Variants in EIF3H observed in about 807,000 individuals in gnomAD.
The protein encoded by EIF3H is eukaryotic translation initiation factor 3 subunit H, also known as eIF-3-gamma.
A neutral mutation model predicts 44.2 loss-of-function variants in EIF3H; 26 were observed. The observed-to-expected ratio is 0.59, with a 90% CI of 0.43 to 0.82. EIF3H has a LOEUF of 0.82. Ranked by LOEUF, EIF3H falls within the 40% of genes least tolerant of loss-of-function variation. The pLI is 0.00. For synonymous variants in EIF3H, 166 were observed against 151.9 expected (o/e 1.09, Z -0.68); for missense variants, 359 against 432.8 (o/e 0.83, Z 1.51).
chr8:116,663,169 C>T (rs923887800), intron 2 of EIF3H, among the ~76,000 whole-genome samples: 4 of 151,870 alleles, frequency 2.6e-5, no homozygotes, highest in East Asian at 3.9e-4. Context: ...ATTTCACTCT[C>T]GAGAAATAAG....
At chr8:116,741,232 G>A (rs188429222) in intron 1 of EIF3H, among the ~76,000 whole-genome samples, 6 of 151,974 alleles carry the variant, frequency 3.9e-5, no homozygotes, top group African/African-American at 1.2e-4. Flanking sequence ...TGTCTCCCCA[G>A]AATGTTTTCA....
chr8:116,737,381 C>A (rs115032655), intron 1 of EIF3H: 58 of 405,134 alleles, frequency 1.4e-4, no homozygotes, highest in Non-Finnish European at 2.6e-4. Flanking sequence ...TAGGGCTGGG[C>A]GCAGTGGCTT....
At chr8:116,755,855 T>G, upstream of EIF3H, 3 of 1,600,220 alleles carry the variant, frequency 1.9e-6, no homozygotes, top group Non-Finnish European at 2.5e-6. Flanking sequence ...GAAGTACAAG[T>G]CTCGCGTGAC....
chr8:116,715,449 ATTATT>A (rs1316269686), intron 2 of EIF3H, among the ~76,000 whole-genome samples: 13 of 152,224 alleles, frequency 8.5e-5, no homozygotes, highest in African/African-American at 3.1e-4. Flanking sequence ...GTAAAAAGAT[ATTATT>A]TTAATTCCCC....
intron 1 of EIF3H, among the ~76,000 whole-genome samples, chr8:116,744,223 A>G (rs1027485363): frequency 6.6e-6 from 1 of 151,794 alleles, no homozygotes; most frequent in Non-Finnish European, 1.5e-5. Context: ...TTAAAAAAAA[A>G]AAAAACAAAC....
At chr8:116,681,338 C>T (rs771036113) in intron 2 of EIF3H, among the ~76,000 whole-genome samples, 14 of 147,602 alleles carry the variant, frequency 9.5e-5, no homozygotes, top group Non-Finnish European at 1.5e-4. Context: ...CTCCAGCCTG[C>T]GTAATACAGC....
At chr8:116,738,034 C>CAAAAAAA (rs750259420) in intron 1 of EIF3H, among the ~76,000 whole-genome samples, 1 of 68,506 alleles carries the variant, frequency 1.5e-5, no homozygotes, top group African/African-American at 5.2e-5. Context: ...GGCTCCATCT[C>CAAAAAAA]AAAAAAAAAA....
At chr8:116,694,310 T>C (rs1021071244) in intron 2 of EIF3H, among the ~76,000 whole-genome samples, 1 of 152,166 alleles carries the variant, frequency 6.6e-6, no homozygotes, top group African/African-American at 2.4e-5. Context: ...GTGTGAAATG[T>C]CATGTTTTGT....
intron 5 of EIF3H, among the ~76,000 whole-genome samples, chr8:116,652,772 A>G (rs75842767): frequency 6.6e-6 from 1 of 151,092 alleles, no homozygotes; most frequent in South Asian, 2.2e-4. Context: ...TAAAGATTGA[A>G]AAAAAAAAAC....
chr8:116,745,189 A>G (rs894198535), intron 1 of EIF3H, among the ~76,000 whole-genome samples: 2 of 152,282 alleles, frequency 1.3e-5, no homozygotes, highest in African/African-American at 4.8e-5. Flanking sequence ...TGTAACAACT[A>G]AAGTTAAAAT....
intron 2 of EIF3H, among the ~76,000 whole-genome samples, chr8:116,710,898 T>TC (rs1814563492): frequency 6.6e-6 from 1 of 152,190 alleles, no homozygotes; most frequent in Non-Finnish European, 1.5e-5. Flanking sequence ...GACTCAAGAC[T>TC]CCAATTAGCA....
At chr8:116,725,476 T>C (rs974334245) in intron 2 of EIF3H, among the ~76,000 whole-genome samples, 4 of 152,354 alleles carry the variant, frequency 2.6e-5, no homozygotes, top group African/African-American at 9.6e-5. Context: ...ATTTTCAACT[T>C]GATTTTTAAA....
At chr8:116,721,797 T>A (rs4304349) in intron 2 of EIF3H, among the ~76,000 whole-genome samples, 72,340 of 152,154 alleles carry the variant, frequency 0.48, 19,787 homozygotes, top group Non-Finnish European at 0.63. Flanking sequence ...CCCTTCATTT[T>A]GGCTCATTCT....
At chr8:116,699,927 C>T (rs546619778) in intron 2 of EIF3H, among the ~76,000 whole-genome samples, 2 of 152,234 alleles carry the variant, frequency 1.3e-5, no homozygotes, top group South Asian at 4.2e-4. Context: ...TCCCGTGCCT[C>T]AGCCTTCCGA....
At chr8:116,712,096 TGCTGCTGCC>T (rs1170642833) in intron 2 of EIF3H, among the ~76,000 whole-genome samples, 2 of 152,232 alleles carry the variant, frequency 1.3e-5, no homozygotes, top group Admixed American at 6.5e-5. Context: ...TTTGTAGGAC[TGCTGCTGCC>T]GCCGCCGCCG....
intron 1 of EIF3H, among the ~76,000 whole-genome samples, chr8:116,751,964 G>A (rs536366952): frequency 3.9e-5 from 6 of 152,138 alleles, no homozygotes; most frequent in South Asian, 2.1e-4. Flanking sequence ...TATCAACTTC[G>A]TTACACTACC....
chr8:116,661,233 G>C (rs1402362264), intron 2 of EIF3H, among the ~76,000 whole-genome samples: 1 of 152,192 alleles, frequency 6.6e-6, no homozygotes, highest in Non-Finnish European at 1.5e-5. Flanking sequence ...AATGGGAGCT[G>C]AAACTGAATT....
chr8:116,727,878 A>AT (rs149374487), intron 1 of EIF3H, among the ~76,000 whole-genome samples: 236 of 152,254 alleles, frequency 1.6e-3, no homozygotes, highest in Admixed American at 2.4e-3. Flanking sequence ...TGTGCTGTGG[A>AT]AGATTGAAAA....
chr8:116,744,042 G>A (rs774189386), intron 1 of EIF3H, among the ~76,000 whole-genome samples: 47 of 151,432 alleles, frequency 3.1e-4, no homozygotes, highest in Non-Finnish European at 1.5e-4. Context: ...GAACAGTACA[G>A]ACAATGTAGT....
Sources: gnomAD v4.1 joint callset for allele counts (sites outside exome capture counted in the v4.1 genomes callset) on GRCh38, gnomAD v4.1.1 for gene constraint, MANE v1.5 for transcripts, NCBI Gene and HGNC (gene_info 2026-07-23, HGNC 2026-07-21) for gene names.